SYT16: variants seen among roughly 807,000 people sequenced by gnomAD.
SYT16 encodes the protein synaptotagmin-16.
In SYT16, 42 loss-of-function variants were observed where a neutral mutation model predicts 61.4. The ratio of observed to expected loss-of-function variants is 0.68; its 90% CI spans 0.53 to 0.89. The LOEUF is 0.89. Among genes scored for constraint, SYT16 ranks in the 40% least tolerant of loss-of-function variants. The pLI is 0.00. For missense variants in SYT16, 804 were observed against 807.3 expected (o/e 1.00, Z 0.05); for synonymous variants, 314 against 302.3 (o/e 1.04, Z -0.40).
intron 3 of SYT16, among the ~76,000 whole-genome samples, chr14:62,007,465 A>G (rs2053267608): frequency 6.6e-6 from 1 of 152,154 alleles, no homozygotes; most frequent in Admixed American, 6.5e-5. Context: ...AATTTTCTTG[A>G]TATTTTGATT....
chr14:62,112,552 G>A (rs1007297665), downstream of SYT16: 1 of 152,050 alleles, frequency 6.6e-6, no homozygotes, highest in African/African-American at 2.4e-5. Flanking sequence ...TGGCTTATAT[G>A]TACATGTGTG....
chr14:62,022,037 C>A (rs988213014), intron 3 of SYT16, among the ~76,000 whole-genome samples: 1 of 147,238 alleles, frequency 6.8e-6, no homozygotes, highest in Non-Finnish European at 1.5e-5. Context: ...CAAATCTCTT[C>A]TTTTTCTTTT....
chr14:61,963,837 A>G (rs551979606), intron 1 of SYT16, among the ~76,000 whole-genome samples: 162 of 152,300 alleles, frequency 1.1e-3, no homozygotes, highest in African/African-American at 3.8e-3. Context: ...CTTTAAATTG[A>G]AGCCAATGCT....
chr14:61,887,582 C>T (rs1251446373), intron 1 of SYT16, among the ~76,000 whole-genome samples: 1 of 152,048 alleles, frequency 6.6e-6, no homozygotes, highest in African/African-American at 2.4e-5. Flanking sequence ...TGATCTTAGC[C>T]AGATCTTCAG....
rs1199658317 is a variant in SYT16, at chr14:62,100,628, A to C, written c.1859A>C (p.Glu620Ala). The part of the protein sequence containing the change: ...IALGQNSSGE[E>A]EQDHWEEMKE... ...CTGGGCCAGAACAGCAGTGGAGAGG[A>C]GGAACAAGATCACTGGGAGGAGATG... The change falls in exon 8 of 8, where the codon GAG (glutamate) becomes GCG (alanine). Residue 620 changes from glutamate to alanine, a missense_variant. By Grantham distance (107) the Glu-to-Ala change is moderately radical. Coordinates refer to ENST00000683842, the MANE Select transcript of SYT16 (RefSeq NM_001367656.1). 1.2e-6 allele frequency: 2 copies of C among 1,613,838 alleles called. No individual in the cohort carries two copies. The highest frequency in any genetic ancestry group is 8.5e-7 in the Non-Finnish European group (1 of 1,179,820).
intron 1 of SYT16, among the ~76,000 whole-genome samples, chr14:61,842,900 A>T (rs1048675005): frequency 2.0e-5 from 3 of 152,162 alleles, no homozygotes; most frequent in African/African-American, 7.2e-5. Context: ...CATTGTGCAC[A>T]TGTACCCTAA....
At chr14:62,057,113 T>C (rs1005518172) in intron 3 of SYT16, among the ~76,000 whole-genome samples, 2 of 152,116 alleles carry the variant, frequency 1.3e-5, no homozygotes, top group African/African-American at 4.8e-5. Flanking sequence ...ATTCTGGCCA[T>C]GGTGAAAGCT....
intron 6 of SYT16, among the ~76,000 whole-genome samples, chr14:62,081,752 C>A (rs2056715905): frequency 6.6e-6 from 1 of 152,194 alleles, no homozygotes; most frequent in South Asian, 2.1e-4. Context: ...CATTTCCCTG[C>A]TTGCCACAGG....
At chr14:62,028,128 A>G (rs987022669) in intron 3 of SYT16, among the ~76,000 whole-genome samples, 1 of 152,100 alleles carries the variant, frequency 6.6e-6, no homozygotes, top group African/African-American at 2.4e-5. Flanking sequence ...GAATTTGCTC[A>G]GTTGTGTTAT....
chr14:61,905,336 G>A (rs1594878761), intron 1 of SYT16, among the ~76,000 whole-genome samples: 2 of 151,796 alleles, frequency 1.3e-5, no homozygotes, highest in East Asian at 3.8e-4. Context: ...CAAAGTTCAT[G>A]CTCTTTCTTT....
At chr14:62,079,925 G>A (rs906930395) in intron 5 of SYT16, among the ~76,000 whole-genome samples, 3 of 152,156 alleles carry the variant, frequency 2.0e-5, no homozygotes, top group Non-Finnish European at 4.4e-5. Context: ...CCAGTCCAGT[G>A]GTGGGAATAG....
At chr14:62,088,665 G>A (rs2056967700) in intron 7 of SYT16, among the ~76,000 whole-genome samples, 1 of 152,120 alleles carries the variant, frequency 6.6e-6, no homozygotes, top group Non-Finnish European at 1.5e-5. Flanking sequence ...CTAATGAAAT[G>A]CATGCTGAAA....
Position 62,100,806 on chromosome 14 carries a change from A to G in SYT16, c.*99A>G. 1 of 1,212,758 alleles carries G rather than the reference A, an allele frequency of 8.2e-7. No homozygotes were observed. The highest frequency in any genetic ancestry group is 2.5e-5 in the East Asian group (1 of 39,698). The allele number at this position is 1,212,758 out of a possible 1,614,324, so 75.1% of individuals were successfully genotyped here. On this transcript the variant is annotated 3_prime_UTR_variant, in exon 8 of 8. Transcript: ENST00000683842. Reference sequence around the variant, plus strand: ...TGGCAAGGGTTTCAGGGTTTCAAAAACAGATTCCACTAACCCCTAGGACAT... The same window carrying G: ...TGGCAAGGGTTTCAGGGTTTCAAAAGCAGATTCCACTAACCCCTAGGACAT...
At chr14:61,812,999 G>T (rs747389032) in intron 1 of SYT16, among the ~76,000 whole-genome samples, 189 bp downstream of exon 1, 1 of 152,234 alleles carries the variant, frequency 6.6e-6, no homozygotes, top group Non-Finnish European at 1.5e-5. Context: ...CGCCCCGCGA[G>T]GGATGTGGCA....
At chr14:61,818,610 G>A (rs188947399) in intron 1 of SYT16, among the ~76,000 whole-genome samples, 12 of 151,492 alleles carry the variant, frequency 7.9e-5, no homozygotes, top group Admixed American at 2.0e-4. Flanking sequence ...CCTGGGAGGC[G>A]GAGGTTGCAG....
chr14:61,864,653 C>G (rs534835869), intron 1 of SYT16, among the ~76,000 whole-genome samples: 1 of 152,246 alleles, frequency 6.6e-6, no homozygotes, highest in South Asian at 2.1e-4. Context: ...GAGTGCGGTA[C>G]TCTCAGGCCC....
At chr14:61,985,552 A>C (rs943419231) in intron 2 of SYT16, among the ~76,000 whole-genome samples, 6 of 152,194 alleles carry the variant, frequency 3.9e-5, no homozygotes, top group Admixed American at 2.0e-4. Context: ...GGTATCTTTC[A>C]GAGACAGACC....
At chr14:61,938,471 G>C (rs1411955126) in intron 1 of SYT16, among the ~76,000 whole-genome samples, 1 of 152,040 alleles carries the variant, frequency 6.6e-6, no homozygotes, top group Admixed American at 6.6e-5. Flanking sequence ...TCTTGGGGAG[G>C]GGATTGGATT....
In SYT16 at chr14:62,100,843, GT is replaced by G; in HGVS notation, c.*140del. ...AACCCCTAGGACATTGTGAGTGGGAGTTTTGGGTTTCTCAATGGTCTGATTT... is the reference window on the plus strand; with the variant it reads ...AACCCCTAGGACATTGTGAGTGGGAGTTTGGGTTTCTCAATGGTCTGATTT... On this transcript the variant is annotated 3_prime_UTR_variant, in exon 8 of 8. Transcript: ENST00000683842. 1 of 854,776 alleles carries G rather than the reference GT, an allele frequency of 1.2e-6. No individual in the cohort carries two copies. The allele number at this position is 854,776 out of a possible 1,614,324, so 52.9% of individuals were successfully genotyped here. A position where few individuals can be genotyped will look rare whatever the true frequency, so the allele number is the denominator to read the frequency against.
Sources: allele counts gnomAD v4.1 joint callset (sites outside exome capture counted in the v4.1 genomes callset), GRCh38; gene constraint gnomAD v4.1.1; transcripts MANE v1.5; gene names NCBI Gene and HGNC (gene_info 2026-07-23, HGNC 2026-07-21).